The following PTK2 variants were observed in gnomAD, a reference collection of about 807,000 sequenced individuals.
The protein encoded by PTK2 is focal adhesion kinase 1.
Under a neutral mutation model 150.1 loss-of-function variants are expected in PTK2, and 45 were observed. The ratio of observed to expected loss-of-function variants is 0.30; its 90% confidence interval spans 0.24 to 0.38. PTK2 has a LOEUF of 0.38. Among genes scored for constraint, PTK2 ranks in the 10% least tolerant of loss-of-function variants. PTK2 has a pLI of 1.00. For synonymous variants in PTK2, 432 were observed against 449.2 expected, an observed-to-expected ratio of 0.96 and a Z score of 0.48; for missense variants, 919 against 1,307.3, an observed-to-expected ratio of 0.70 and a Z score of 4.58.
intron 24 of PTK2, among the ~76,000 whole-genome samples, chr8:140,705,902 G>A (rs2100033451): frequency 6.6e-6 from 1 of 152,204 alleles, no homozygotes; most frequent in Non-Finnish European, 1.5e-5. Context: ...AGCAGGCCCT[G>A]GTCCTGCCCA....
intron 1 of PTK2, among the ~76,000 whole-genome samples, chr8:140,947,112 G>A (rs2154608994): frequency 6.6e-6 from 1 of 152,196 alleles, no homozygotes; most frequent in Non-Finnish European, 1.5e-5. Context: ...ACCAATCTCA[G>A]TTGAACCACA....
At chr8:140,698,097 G>A (rs535797030) in intron 26 of PTK2, among the ~76,000 whole-genome samples, 1 of 151,980 alleles carries the variant, frequency 6.6e-6, no homozygotes, top group East Asian at 1.9e-4. Context: ...TTAAGCTTTG[G>A]CTCAAATGCT....
chr8:140,970,660 C>T (rs1334660257), intron 1 of PTK2, among the ~76,000 whole-genome samples: 2 of 152,230 alleles, frequency 1.3e-5, no homozygotes, highest in Non-Finnish European at 2.9e-5. Context: ...ATGAACTCAA[C>T]AGCCACCTGA....
At position 140,762,122 on chromosome 8, in the gene PTK2, C is replaced by T. The variant is rs375866298; in HGVS notation, c.1235-860G>A. Among the ~76,000 whole-genome samples the T allele has an allele frequency of 4.6e-5, 7 of 152,152 alleles. No homozygotes were observed. In the East Asian group the frequency reaches 9.6e-4, roughly 21 times the overall value. On this transcript the variant is annotated intron_variant, in intron 15 of 31. Coordinates refer to ENST00000522684, the Ensembl canonical transcript of PTK2. ...AATCACCAATGAAATACACCAAGAGCCAAATATTTTTACATGTTCTCCCTG... is the reference window on the plus strand; with the variant it reads ...AATCACCAATGAAATACACCAAGAGTCAAATATTTTTACATGTTCTCCCTG...
intron 12 of PTK2, 121 bp downstream of exon 12, chr8:140,800,338 A>C: frequency 2.4e-6 from 2 of 829,066 alleles, no homozygotes; most frequent in Non-Finnish European, 4.1e-6. Context: ...TACTGAGCTG[A>C]ATTATTCATT....
At chr8:140,815,513 G>C (rs1471960041) in intron 10 of PTK2, among the ~76,000 whole-genome samples, 1 of 152,056 alleles carries the variant, frequency 6.6e-6, no homozygotes, top group African/African-American at 2.4e-5. Flanking sequence ...TAAACTGTGT[G>C]ACACGAGGTT....
chr8:140,933,489 G>A (rs570431641), intron 1 of PTK2, among the ~76,000 whole-genome samples: 15 of 152,324 alleles, frequency 9.8e-5, no homozygotes, highest in African/African-American at 3.6e-4. Context: ...AATCAGGCAA[G>A]GTTTTGGAAC....
At chr8:140,671,755 T>TA (rs1467090761) in intron 29 of PTK2, among the ~76,000 whole-genome samples, 6 of 55,186 alleles carry the variant, frequency 1.1e-4, no homozygotes, top group Admixed American at 5.7e-4. Flanking sequence ...CTACTAAAAA[T>TA]ACCCAAAAAA....
chr8:140,973,482 G>A (rs1588161039), intron 1 of PTK2, among the ~76,000 whole-genome samples: 1 of 151,702 alleles, frequency 6.6e-6, no homozygotes, highest in East Asian at 1.9e-4. Flanking sequence ...AGTAAAAGGG[G>A]CACACATACA....
chr8:140,659,589 G>A, exon 32 of PTK2: 1 of 1,614,164 alleles, frequency 6.2e-7, no homozygotes, highest in Non-Finnish European at 8.5e-7. Context: ...ACTCTTGCTG[G>A]AGGCTGGTCA....
Position 140,861,033 on chromosome 8 carries a change from T to G in PTK2, c.450+3279A>C, listed in dbSNP as rs547406900. 1.8e-3 allele frequency among the ~76,000 whole-genome samples: 277 copies of G among 152,320 alleles called. 1 individual carries two copies. Among genetic ancestry groups the G allele is most frequent in the African/African-American group, 6.5e-3 (270 of 41,572 alleles). ...AATTTAAGTAATGTTTTAGAATTAT[T>G]TTTTGAACTTTCTAAAAGTGTGCCA... On this transcript the variant is annotated intron_variant, in intron 5 of 31. Transcript: ENST00000522684.
rs1407823419 is a variant in PTK2, at chr8:140,914,552, T to G, written c.-33+11109A>C. On this transcript the variant is annotated intron_variant, in intron 2 of 31. Transcript: ENST00000522684. ...AGGTATTAAGCCTAGCACCCAAGAG[T>G]TTTTTTTTTTGCTTCTCTCCTTCCT... 8.1e-5 allele frequency among the ~76,000 whole-genome samples: 11 copies of G among 135,946 alleles called. No homozygotes were observed. In the East Asian group the frequency reaches 9.9e-4, roughly 12 times the overall value. The allele number at this position is 135,946 out of a possible 152,430, so 89.2% of individuals were successfully genotyped here. A position where few individuals can be genotyped will look rare whatever the true frequency, so the allele number is the denominator to read the frequency against.
At chr8:140,904,959 T>C (rs922995902) in intron 2 of PTK2, among the ~76,000 whole-genome samples, 1 of 152,152 alleles carries the variant, frequency 6.6e-6, no homozygotes, top group African/African-American at 2.4e-5. Context: ...CTGGATTCAT[T>C]GATTTTTGAA....
chr8:140,685,876 C>A (rs774145829), intron 27 of PTK2, among the ~76,000 whole-genome samples: 5 of 152,194 alleles, frequency 3.3e-5, no homozygotes, highest in African/African-American at 7.2e-5. Context: ...CAGCAATCCC[C>A]TTATTGGGTA....
intron 11 of PTK2, 25 bp from the exon 12 acceptor site, chr8:140,800,601 C>G: frequency 6.4e-7 from 1 of 1,567,658 alleles, no homozygotes; most frequent in Non-Finnish European, 8.8e-7. Context: ...ATCAAGAAAA[C>G]AGACTTCATT....
intron 9 of PTK2, among the ~76,000 whole-genome samples, chr8:140,818,571 G>A (rs2100106167): frequency 6.6e-6 from 1 of 152,206 alleles, no homozygotes; most frequent in Non-Finnish European, 1.5e-5. Context: ...CATGCCTGAT[G>A]CCAAGGGTTT....
intron 2 of PTK2, among the ~76,000 whole-genome samples, chr8:140,900,372 T>C (rs2100157947): frequency 6.6e-6 from 1 of 152,158 alleles, no homozygotes; most frequent in Non-Finnish European, 1.5e-5. Flanking sequence ...TAGGAGTCAA[T>C]TTAACCAAAG....
intron 14 of PTK2, among the ~76,000 whole-genome samples, chr8:140,767,407 C>G (rs529108912): frequency 7.0e-4 from 107 of 151,786 alleles, no homozygotes; most frequent in African/African-American, 2.5e-3. Context: ...AACAATGTTG[C>G]AGGTAAATGA....
intron 30 of PTK2, among the ~76,000 whole-genome samples, chr8:140,667,149 T>G (rs79174362): frequency 0.017 from 2,591 of 152,188 alleles, 66 homozygotes; most frequent in African/African-American, 0.058. Flanking sequence ...AAATGCACAG[T>G]TTCAGTTTTG....
Sources: allele counts gnomAD v4.1 joint callset (sites outside exome capture counted in the v4.1 genomes callset), GRCh38; gene constraint gnomAD v4.1.1; transcripts MANE v1.5; gene names NCBI Gene and HGNC (gene_info 2026-07-23, HGNC 2026-07-21).